The following STK32A variants were observed in gnomAD, a reference collection of about 807,000 sequenced individuals.
STK32A encodes serine/threonine kinase 32A.
A neutral mutation model predicts 53.2 loss-of-function variants in STK32A; 41 were observed. That is an observed-to-expected ratio of 0.77 (90% CI 0.60 to 1.00). The LOEUF is 1.00. Ranked by LOEUF, STK32A falls within the 50% of genes least tolerant of loss-of-function variation. STK32A has a pLI of 0.00. For synonymous variants in STK32A, 166 were observed against 162.8 expected, an observed-to-expected ratio of 1.02 and a Z score of -0.15; for missense variants, 458 against 485.8, an observed-to-expected ratio of 0.94 and a Z score of 0.54.
chr5:147,389,881 T>TA (rs895446618), downstream of STK32A, among the ~76,000 whole-genome samples: 10 of 151,644 alleles, frequency 6.6e-5, no homozygotes, highest in African/African-American at 2.4e-4. Context: ...AATAAAATAA[T>TA]AAAAAAAGAG....
At chr5:147,275,547 C>G (rs1490983790) in intron 2 of STK32A, among the ~76,000 whole-genome samples, 1 of 152,138 alleles carries the variant, frequency 6.6e-6, no homozygotes, top group Non-Finnish European at 1.5e-5. Flanking sequence ...TAGTCTTGAA[C>G]TCCTGGGCTC....
rs1021874629 is a variant in STK32A at position 147,371,534 on chromosome 5, T to A, written c.777+764T>A. Among the ~76,000 whole-genome samples, 36 of 152,214 alleles carry A rather than the reference T, an allele frequency of 2.4e-4. 1 individual carries two copies. Among genetic ancestry groups the A allele is most frequent in the African/African-American group, 8.2e-4 (34 of 41,462 alleles). ...CCTATTCCTGGAACAGTGCCTCCAA[T>A]CCTAGTTCCTCCAGTTCCTCCTTGA... On this transcript the variant is annotated intron_variant, in intron 9 of 12. Coordinates refer to ENST00000397936, the MANE Select transcript of STK32A (RefSeq NM_001112724.2).
At chr5:147,238,743 ATGAGT>A (rs1319342640) in intron 1 of STK32A, among the ~76,000 whole-genome samples, 11 of 151,996 alleles carry the variant, frequency 7.2e-5, no homozygotes, top group African/African-American at 2.7e-4. Flanking sequence ...TTAATATATA[ATGAGT>A]TAAGTGTATG....
chr5:147,308,235 T>C (rs912692208), intron 4 of STK32A, among the ~76,000 whole-genome samples: 38 of 152,114 alleles, frequency 2.5e-4, no homozygotes, highest in African/African-American at 9.1e-4. Context: ...AATTTCTCTC[T>C]TTGGTTTTAG....
intron 4 of STK32A, among the ~76,000 whole-genome samples, chr5:147,282,892 G>A (rs915144445): frequency 6.6e-6 from 1 of 152,112 alleles, no homozygotes; most frequent in Non-Finnish European, 1.5e-5. Context: ...GTCATCAAGA[G>A]AGAAAGTCAA....
intron 8 of STK32A, among the ~76,000 whole-genome samples, chr5:147,365,519 T>A (rs1246943228): frequency 3.3e-5 from 5 of 151,856 alleles, no homozygotes; most frequent in Admixed American, 2.6e-4. Context: ...TCTAAATAAA[T>A]CCAGTGAACA....
intron 2 of STK32A, among the ~76,000 whole-genome samples, chr5:147,245,158 T>C (rs999576288): frequency 6.6e-6 from 1 of 152,180 alleles, no homozygotes; most frequent in Non-Finnish European, 1.5e-5. Flanking sequence ...CCTGAGGTTA[T>C]TGTATTTTTG....
chr5:147,305,401 AT>A (rs969691954), intron 4 of STK32A, among the ~76,000 whole-genome samples: 5 of 152,182 alleles, frequency 3.3e-5, no homozygotes, highest in African/African-American at 1.2e-4. Flanking sequence ...GCAAGTGGGC[AT>A]TATTTAGAGA....
intron 4 of STK32A, among the ~76,000 whole-genome samples, chr5:147,286,077 T>C (rs1752318166): frequency 6.6e-6 from 1 of 152,092 alleles, no homozygotes; most frequent in Admixed American, 6.6e-5. Flanking sequence ...GTATACATGA[T>C]GGAATACTAT....
At chr5:147,396,979 T>C in the STK32A span, among the ~76,000 whole-genome samples, 3 of 148,188 alleles carry the variant, frequency 2.0e-5, no homozygotes, top group Non-Finnish European at 4.5e-5. Context: ...ATTATATTTA[T>C]TGTATTGTTA....
chr5:147,392,595 A>G (rs1757843608), downstream of STK32A: 1 of 152,224 alleles, frequency 6.6e-6, no homozygotes, highest in African/African-American at 2.4e-5. Flanking sequence ...TATCTTGCTC[A>G]CAGGACTTGC....
intron 4 of STK32A, among the ~76,000 whole-genome samples, chr5:147,321,710 TAGG>T (rs1423414209): frequency 1.3e-5 from 2 of 152,358 alleles, no homozygotes; most frequent in African/African-American, 2.4e-5. Context: ...AATGGAATAA[TAGG>T]AGAAGAGTCC....
chr5:147,280,443 G>A (rs1311960938), intron 4 of STK32A, among the ~76,000 whole-genome samples: 1 of 151,192 alleles, frequency 6.6e-6, no homozygotes, highest in Non-Finnish European at 1.5e-5. Context: ...GGAGGGGGGT[G>A]GTGGAAAGCA....
intron 6 of STK32A, among the ~76,000 whole-genome samples, chr5:147,344,946 T>C (rs553002432): frequency 6.6e-6 from 1 of 152,376 alleles, no homozygotes; most frequent in Admixed American, 6.5e-5. Flanking sequence ...TAAGGCATCC[T>C]ATTCTCCTTC....
intron 8 of STK32A, among the ~76,000 whole-genome samples, chr5:147,365,002 A>G (rs573624398): frequency 4.6e-5 from 7 of 152,192 alleles, no homozygotes; most frequent in Non-Finnish European, 1.0e-4. Flanking sequence ...AGAATTGGGT[A>G]TCTCAAGTCA....
At chr5:147,349,520 G>T (rs528283881) in intron 6 of STK32A, among the ~76,000 whole-genome samples, 3 of 152,180 alleles carry the variant, frequency 2.0e-5, no homozygotes, top group Non-Finnish European at 4.4e-5. Context: ...GTTTGCCTGA[G>T]CTTTTGGCAC....
the STK32A span, among the ~76,000 whole-genome samples, chr5:147,399,556 T>C: frequency 6.6e-6 from 1 of 152,246 alleles, no homozygotes; most frequent in Non-Finnish European, 1.5e-5. Context: ...AAAAGGATTA[T>C]GGAGAGTTCA....
intron 5 of STK32A, among the ~76,000 whole-genome samples, chr5:147,327,645 G>T (rs1754666901): frequency 6.6e-6 from 1 of 152,224 alleles, no homozygotes; most frequent in South Asian, 2.1e-4. Context: ...CTAAGCACTT[G>T]TGAGTTATTT....
At chr5:147,332,779 G>A (rs1561726749) in intron 5 of STK32A, among the ~76,000 whole-genome samples, 1 of 152,178 alleles carries the variant, frequency 6.6e-6, no homozygotes, top group Non-Finnish European at 1.5e-5. Context: ...TTCAGCACCT[G>A]CTCCCGAGCT....
Sources: gnomAD v4.1 joint callset for allele counts (sites outside exome capture counted in the v4.1 genomes callset) on GRCh38, gnomAD v4.1.1 for gene constraint, MANE v1.5 for transcripts, NCBI Gene and HGNC (gene_info 2026-07-23, HGNC 2026-07-21) for gene names.